The following WWOX variants were observed in gnomAD, a reference collection of about 807,000 sequenced individuals.
WWOX encodes WW domain-containing oxidoreductase.
In WWOX, 69 loss-of-function variants were observed where a neutral mutation model predicts 46.2. The observed-to-expected ratio is 1.49, with a 90% CI of 1.23 to 1.82. The LOEUF is 1.82. Ranked by LOEUF, WWOX falls within the 40% of genes most tolerant of loss-of-function variation. The probability of loss-of-function intolerance (pLI) is 0.00; values close to 1 mark genes in which losing one functional copy is unlikely to be tolerated. For synonymous variants in WWOX, 359 were observed against 202.6 expected (o/e 1.77, Z -6.56); for missense variants, 919 against 542.6 (o/e 1.69, Z -6.89).
chr16:78,634,871 T>C (rs112501737), intron 8 of WWOX, among the ~76,000 whole-genome samples: 2,983 of 146,018 alleles, frequency 0.02, 110 homozygotes, highest in African/African-American at 0.072. Flanking sequence ...TGTGTGTGTG[T>C]GTGCGCGTGC....
At chr16:78,672,286 A>G (rs1022529099) in intron 8 of WWOX, among the ~76,000 whole-genome samples, 7 of 152,194 alleles carry the variant, frequency 4.6e-5, no homozygotes, top group African/African-American at 1.7e-4. Flanking sequence ...CCACATGCAA[A>G]TGCAAGCAGG....
chr16:78,206,321 G>A (rs940967672), intron 5 of WWOX, among the ~76,000 whole-genome samples: 6 of 152,000 alleles, frequency 3.9e-5, no homozygotes, highest in African/African-American at 1.4e-4. Context: ...CCCAGCAAAA[G>A]TATTTTGGTT....
chr16:78,321,371 CGT>C (rs2080474898), intron 5 of WWOX, among the ~76,000 whole-genome samples: 1 of 45,330 alleles, frequency 2.2e-5, no homozygotes, highest in Non-Finnish European at 3.9e-5. Context: ...TATATATATA[CGT>C]ATATATGCGT....
chr16:79,100,446 G>A (rs1206058740), intron 8 of WWOX, among the ~76,000 whole-genome samples: 1 of 152,140 alleles, frequency 6.6e-6, no homozygotes. Flanking sequence ...TATTACCACA[G>A]TAATAAACAG....
At chr16:78,869,754 T>G (rs2044085926) in intron 8 of WWOX, among the ~76,000 whole-genome samples, 1 of 152,208 alleles carries the variant, frequency 6.6e-6, no homozygotes, top group Non-Finnish European at 1.5e-5. Context: ...TAAACAACAA[T>G]AAGTCTTGCT....
intron 8 of WWOX, among the ~76,000 whole-genome samples, chr16:79,047,756 G>A (rs571315684): frequency 2.9e-5 from 4 of 137,144 alleles, no homozygotes; most frequent in Non-Finnish European, 4.5e-5. Flanking sequence ...CAGGGCAGCT[G>A]TATTCCAGGT....
chr16:78,627,139 G>A (rs1053229369), intron 8 of WWOX, among the ~76,000 whole-genome samples: 8 of 151,926 alleles, frequency 5.3e-5, no homozygotes, highest in African/African-American at 1.7e-4. Context: ...AATCATACTA[G>A]AGCAGTAGGC....
chr16:78,143,752 G>GTTTTTTTTTTTTTTTTTTTTT (rs200125720), intron 4 of WWOX, among the ~76,000 whole-genome samples: 3 of 120,240 alleles, frequency 2.5e-5, no homozygotes, highest in African/African-American at 3.0e-5. Context: ...GAATTGGTAT[G>GTTTTTTTTTTTTTTTTTTTTT]TTTTTTTTTT....
intron 8 of WWOX, among the ~76,000 whole-genome samples, chr16:78,455,332 T>G (rs769912182): frequency 3.9e-5 from 6 of 152,030 alleles, no homozygotes; most frequent in Non-Finnish European, 8.8e-5. Flanking sequence ...ATAAATGATA[T>G]TCTAATCTAA....
chr16:78,422,742 T>C (rs1205224710), intron 6 of WWOX, among the ~76,000 whole-genome samples: 1 of 106,796 alleles, frequency 9.4e-6, no homozygotes, highest in African/African-American at 6.3e-5. Context: ...CACACACATA[T>C]ATATACACAT....
At chr16:79,167,969 G>A (rs1036539582) in intron 8 of WWOX, among the ~76,000 whole-genome samples, 3 of 152,120 alleles carry the variant, frequency 2.0e-5, no homozygotes, top group Non-Finnish European at 4.4e-5. Context: ...CACATAAAAG[G>A]AATCAAAGAA....
chr16:78,621,504 A>C (rs2046180687), intron 8 of WWOX, among the ~76,000 whole-genome samples: 1 of 139,974 alleles, frequency 7.1e-6, no homozygotes. Flanking sequence ...TTTCCATTTT[A>C]CTTCTATTTG....
chr16:78,164,077 G>A, intron 4 of WWOX, 106 bp from the exon 5 acceptor site: 1 of 1,056,996 alleles, frequency 9.5e-7, no homozygotes, highest in Non-Finnish European at 1.4e-6. Flanking sequence ...ATCACCCCTG[G>A]TTGAGAACTT....
intron 8 of WWOX, among the ~76,000 whole-genome samples, chr16:78,913,608 T>C (rs1180077951): frequency 1.3e-5 from 2 of 151,792 alleles, no homozygotes; most frequent in Non-Finnish European, 2.9e-5. Flanking sequence ...TCTTTTACTG[T>C]ATCATAGTAG....
Position 79,100,947 on chromosome 16 carries a change from C to G in WWOX, c.1057-110661C>G, listed in dbSNP as rs558590463. 2.0e-5 allele frequency among the ~76,000 whole-genome samples: 3 copies of G among 151,710 alleles called. No homozygotes were observed. In the South Asian group the frequency reaches 6.2e-4, roughly 32 times the overall value. ...TTTTCTCCATAGGGGTTAGGCGTAACGTCTTTGGTAAACTTGGCACCTGTA... is the reference window on the plus strand; with the variant it reads ...TTTTCTCCATAGGGGTTAGGCGTAAGGTCTTTGGTAAACTTGGCACCTGTA... On this transcript the variant is annotated intron_variant, in intron 8 of 8. Coordinates refer to ENST00000566780, the MANE Select transcript of WWOX (RefSeq NM_016373.4).
At chr16:78,613,269 A>G (rs540989585) in intron 8 of WWOX, among the ~76,000 whole-genome samples, 1 of 152,230 alleles carries the variant, frequency 6.6e-6, no homozygotes, top group South Asian at 2.1e-4. Flanking sequence ...GGCCTAGGGC[A>G]GGGATCACTC....
chr16:78,970,395 C>A (rs7200078), intron 8 of WWOX, among the ~76,000 whole-genome samples: 6 of 152,180 alleles, frequency 3.9e-5, no homozygotes, highest in Admixed American at 3.3e-4. Context: ...TGCCCAGCAT[C>A]GTCCTTATTG....
chr16:78,635,210 T>C (rs931812414), intron 8 of WWOX, among the ~76,000 whole-genome samples: 1 of 152,186 alleles, frequency 6.6e-6, no homozygotes, highest in African/African-American at 2.4e-5. Context: ...GGGGTCTGGC[T>C]CTGGGCTATT....
intron 1 of WWOX, among the ~76,000 whole-genome samples, chr16:78,103,034 C>T (rs538198030): frequency 6.6e-6 from 1 of 152,320 alleles, no homozygotes; most frequent in East Asian, 1.9e-4. Flanking sequence ...CAGGCTTGCC[C>T]TGGAGCCTGG....
Sources: gnomAD v4.1 joint callset for allele counts (sites outside exome capture counted in the v4.1 genomes callset) on GRCh38, gnomAD v4.1.1 for gene constraint, MANE v1.5 for transcripts, NCBI Gene and HGNC (gene_info 2026-07-23, HGNC 2026-07-21) for gene names.